BIRC6: variants seen among roughly 807,000 people sequenced by gnomAD.
BIRC6 encodes baculoviral IAP repeat containing 6.
Under a neutral mutation model 503.3 loss-of-function variants are expected in BIRC6, and 98 were observed. The observed-to-expected ratio is 0.19, with a 90% CI of 0.17 to 0.23. The LOEUF (loss-of-function observed/expected upper bound fraction) is 0.23, where lower values mean the gene tolerates loss of function less well. BIRC6 is among the 10% of genes least tolerant of loss of function. The pLI is 1.00. For synonymous variants in BIRC6, 2,240 were observed against 2,078.7 expected (o/e 1.08, Z -2.11); for missense variants, 5,360 against 5,806.0 (o/e 0.92, Z 2.50).
At chr2:32,465,323 C>A (rs1392472683) in intron 26 of BIRC6, among the ~76,000 whole-genome samples, 159 bp downstream of exon 26, 1 of 139,932 alleles carries the variant, frequency 7.1e-6, no homozygotes, top group African/African-American at 2.6e-5. Flanking sequence ...TAAGCACTTA[C>A]ATGTTCAAGC....
At chr2:32,429,636 C>T (rs1161609255) in intron 11 of BIRC6, among the ~76,000 whole-genome samples, 1 of 152,116 alleles carries the variant, frequency 6.6e-6, no homozygotes, top group African/African-American at 2.4e-5. Flanking sequence ...TATATTCACA[C>T]ATACGTTGCC....
At chr2:32,473,379 C>A in intron 33 of BIRC6, 140 bp downstream of exon 33, 1 of 647,828 alleles carries the variant, frequency 1.5e-6, no homozygotes, top group Non-Finnish European at 2.5e-6. Context: ...ACTTTGGAGA[C>A]TTCAATTTCC....
chr2:32,425,874 G>A (rs910495382), intron 10 of BIRC6, among the ~76,000 whole-genome samples: 2 of 152,166 alleles, frequency 1.3e-5, no homozygotes. Context: ...CCTCCTGTCC[G>A]CCCTGGCACC....
intron 46 of BIRC6, 33 bp downstream of exon 46, chr2:32,500,142 C>G: frequency 6.6e-7 from 1 of 1,517,790 alleles, no homozygotes; most frequent in Non-Finnish European, 8.9e-7. Context: ...TTACCATTGT[C>G]TCTGATACTA....
chr2:32,607,338 G>T, intron 71 of BIRC6, 117 bp from the exon 72 acceptor site: 2 of 686,138 alleles, frequency 2.9e-6, no homozygotes, highest in South Asian at 3.9e-5. Flanking sequence ...TGATTTTATT[G>T]TGATAGAAAT....
intron 39 of BIRC6, among the ~76,000 whole-genome samples, chr2:32,484,035 T>A (rs2050709355): frequency 6.6e-6 from 1 of 152,138 alleles, no homozygotes. Context: ...GATTTTCAGT[T>A]CCCTGCAGTC....
At chr2:32,542,863 G>A (rs1270773147) in intron 61 of BIRC6, among the ~76,000 whole-genome samples, 1 of 152,124 alleles carries the variant, frequency 6.6e-6, no homozygotes, top group Admixed American at 6.5e-5. Flanking sequence ...GCGGTGGTGT[G>A]ATCTTGGCTC....
intron 6 of BIRC6, among the ~76,000 whole-genome samples, chr2:32,399,115 T>A (rs146153689): frequency 0.011 from 1,651 of 152,320 alleles, 22 homozygotes; most frequent in African/African-American, 0.036. Flanking sequence ...AGACACAGTC[T>A]TACTTTGTTG....
At chr2:32,468,394 G>T in intron 28 of BIRC6, 43 bp from the exon 29 acceptor site, 1 of 1,419,058 alleles carries the variant, frequency 7.0e-7, no homozygotes, top group South Asian at 1.4e-5. Flanking sequence ...TACATAAAGA[G>T]GACATTACAA....
chr2:32,465,248 G>A (rs1317025428), intron 26 of BIRC6, 84 bp downstream of exon 26: 6 of 385,408 alleles, frequency 1.6e-5, no homozygotes, highest in Admixed American at 6.3e-5. Context: ...TCTTCAGTTC[G>A]ATTTTTTTTT....
Position 32,572,573 on chromosome 2 carries a change from T to TA in BIRC6, c.13145-2582dup, listed in dbSNP as rs558697546. ...TCTAGCTTTTCCACATCCTCACAAG[T>TA]ACTGACATTGTGTTTTATGCCTATC... On this transcript the variant is annotated intron_variant, in intron 65 of 73. Transcript: ENST00000421745. Among the ~76,000 whole-genome samples, 534 of 152,366 alleles carry TA rather than the reference T, an allele frequency of 3.5e-3. 4 individuals are homozygous for TA. The highest frequency in any genetic ancestry group is 5.3e-3 in the Non-Finnish European group (362 of 68,032).
chr2:32,469,255 G>C, intron 29 of BIRC6, 140 bp from the exon 30 acceptor site: 1 of 681,322 alleles, frequency 1.5e-6, no homozygotes. Flanking sequence ...TACATACAAG[G>C]AGTAAATACA....
chr2:32,576,028 C>T (rs948237699), intron 66 of BIRC6, among the ~76,000 whole-genome samples: 6 of 152,160 alleles, frequency 3.9e-5, no homozygotes, highest in Non-Finnish European at 5.9e-5. Context: ...ATACCACTGA[C>T]ATTGTTCTAA....
chr2:32,534,374 C>CAA (rs200134446), intron 61 of BIRC6, among the ~76,000 whole-genome samples: 6,158 of 92,432 alleles, frequency 0.067, 252 homozygotes, highest in Non-Finnish European at 0.099. Context: ...AATTCCATCT[C>CAA]AAAAAAAAAA....
chr2:32,511,385 C>G (rs1173136912), intron 53 of BIRC6, among the ~76,000 whole-genome samples: 1 of 150,870 alleles, frequency 6.6e-6, no homozygotes, highest in African/African-American at 2.4e-5. Flanking sequence ...TCTTGGCTCA[C>G]TGCAAGCTCC....
At chr2:32,607,107 TA>T (rs200315273) in intron 71 of BIRC6, among the ~76,000 whole-genome samples, 1,564 of 148,244 alleles carry the variant, frequency 0.011, 11 homozygotes, top group Middle Eastern at 0.021. Flanking sequence ...ATAAAACAAC[TA>T]AAAAAAAAAT....
At chr2:32,534,759 A>AAAAG (rs2057076792) in intron 61 of BIRC6, among the ~76,000 whole-genome samples, 1 of 144,354 alleles carries the variant, frequency 6.9e-6, no homozygotes, top group Admixed American at 6.9e-5. Flanking sequence ...AAAAAAAAAA[A>AAAAG]TGGTTCAAAT....
chr2:32,593,702 C>T (rs2061516170), intron 66 of BIRC6, among the ~76,000 whole-genome samples: 1 of 152,064 alleles, frequency 6.6e-6, no homozygotes, highest in Non-Finnish European at 1.5e-5. Flanking sequence ...TACAGTATGA[C>T]ATTTATATAA....
rs965732711 is a variant in BIRC6, at chr2:32,371,433, G to A, written c.326-6155G>A. Among the ~76,000 whole-genome samples the A allele has an allele frequency of 5.3e-5, 8 of 151,454 alleles. No homozygotes were observed. The South Asian group carries it at 1.0e-3, about 20-fold the overall frequency. ...TCTGTTGCCCAGGCTGGAGAGCAGCGGTGCAATCTCAGCTCACTGCAACCT... is the reference window on the plus strand; with the variant it reads ...TCTGTTGCCCAGGCTGGAGAGCAGCAGTGCAATCTCAGCTCACTGCAACCT... On this transcript the variant is annotated intron_variant, in intron 1 of 73. Transcript: ENST00000421745.
Sources: gnomAD v4.1 joint callset for allele counts (sites outside exome capture counted in the v4.1 genomes callset) on GRCh38, gnomAD v4.1.1 for gene constraint, MANE v1.5 for transcripts, NCBI Gene and HGNC (gene_info 2026-07-23, HGNC 2026-07-21) for gene names.